TRIM10: variants seen among roughly 807,000 people sequenced by gnomAD.
The protein encoded by TRIM10 is tripartite motif-containing protein 10.
In TRIM10, 42 loss-of-function variants were observed where a neutral mutation model predicts 40.0. The observed-to-expected ratio is 1.05, with a 90% CI of 0.82 to 1.36. The LOEUF is 1.36. Among genes scored for constraint, TRIM10 ranks in the 40% most tolerant of loss-of-function variants. TRIM10 has a pLI of 0.00. For missense variants in TRIM10, 601 were observed against 608.3 expected (o/e 0.99, Z 0.13); for synonymous variants, 260 against 239.5 (o/e 1.09, Z -0.79).
upstream of TRIM10, among the ~76,000 whole-genome samples, chr6:30,162,848 T>G (rs963841144): frequency 6.6e-6 from 1 of 152,158 alleles, no homozygotes; most frequent in Non-Finnish European, 1.5e-5. Flanking sequence ...TGGTTGAAAC[T>G]GATTATCTGA....
upstream of TRIM10, among the ~76,000 whole-genome samples, chr6:30,161,348 G>C (rs1171417554): frequency 1.3e-5 from 2 of 152,190 alleles, no homozygotes. Context: ...CAGCAAGCAG[G>C]AGAGTGTGGG....
chr6:30,154,015 A>C lies in TRIM10; in HGVS notation c.1400T>G (p.Phe467Cys). The change falls in exon 7 of 7, where the codon TTC (phenylalanine) becomes TGC (cysteine). Residue 467 changes from phenylalanine (F) to cysteine (C), a missense_variant. Physicochemically the swap from Phe to Cys is radical, Grantham distance 205 (BLOSUM62 -2). Transcript: ENST00000449742. ...TASFTRKVIP[F>C]FGLWGRGSSF... ...GGACCCTCGGCCCCAGAGCCCAAAG[A>C]AGGGAATGACCTTCCTAGTGAAGGA... 1.9e-6 allele frequency: 3 copies of C among 1,608,950 alleles called. No homozygotes were observed. Among genetic ancestry groups the C allele is most frequent in the Non-Finnish European group, 2.5e-6 (3 of 1,176,680 alleles).
At chr6:30,155,797 C>A in intron 5 of TRIM10, 38 bp from the exon 6 acceptor site, 2 of 1,599,312 alleles carry the variant, frequency 1.3e-6, no homozygotes, top group Non-Finnish European at 1.7e-6. Flanking sequence ...TTTTATTAGT[C>A]TTACAAAACC....
In TRIM10 at chr6:30,159,191, C is replaced by T; in HGVS notation, c.484G>A (p.Glu162Lys). The change falls in exon 2 of 7, where the codon GAA becomes AAA. Residue 162 changes from glutamate to lysine, a missense_variant. By Grantham distance (56) the Glu-to-Lys change is moderately conservative (BLOSUM62 1). Transcript: ENST00000449742. ...CTTTTATTTTCTCTTGACTGGATTTCTTGAATCTCCTCTCTCTCTTTTCTT... is the reference window on the plus strand; with the variant it reads ...CTTTTATTTTCTCTTGACTGGATTTTTTGAATCTCCTCTCTCTCTTTTCTT... ...CLRKEREEIQ[E>K]IQSRENKRMQ... The T allele has an allele frequency of 6.2e-7, 1 of 1,612,278 alleles. No homozygotes were observed. Among genetic ancestry groups the T allele is most frequent in the Non-Finnish European group, 8.5e-7 (1 of 1,179,326 alleles).
At chr6:30,161,310 G>C (rs1338609431), upstream of TRIM10, among the ~76,000 whole-genome samples, 1 of 152,192 alleles carries the variant, frequency 6.6e-6, no homozygotes, top group Admixed American at 6.5e-5. Flanking sequence ...AGAGATTGGA[G>C]GTATCAGCCA....
upstream of TRIM10, chr6:30,163,957 C>G: frequency 6.2e-7 from 1 of 1,612,994 alleles, no homozygotes; most frequent in Non-Finnish European, 8.5e-7. Context: ...AGAAGATCTA[C>G]TTCTTCTGCG....
rs146408423 is a variant in TRIM10 at position 30,160,490 on chromosome 6, C to T, written c.369G>A (p.Glu123=). ...DEMQLCVVCR[E]AGEHATHTMR... is the part of the protein sequence containing the mutation. ...TGGTGTGGGTAGCGTGCTCCCCAGC[C>T]TCCCGGCACACCACGCACAACTGCA... Residue 123 remains glutamate (E), a synonymous_variant, in exon 1 of 7, where the codon GAG becomes GAA. Coordinates refer to ENST00000449742, the MANE Select transcript of TRIM10 (RefSeq NM_006778.4). 1.2e-5 allele frequency: 19 copies of T among 1,614,192 alleles called. No individual in the cohort carries two copies. In the African/African-American group the frequency reaches 1.6e-4, roughly 14 times the overall value.
chr6:30,157,358 A>G lies in TRIM10; in HGVS notation c.779+11T>C, dbSNP rs1772642596. Reference sequence around the variant, plus strand: ...TATGGAAAAAGAAAAGAGAGAAACTATATTGCTTACCTTATTAGAGTGCTT... The same window carrying G: ...TATGGAAAAAGAAAAGAGAGAAACTGTATTGCTTACCTTATTAGAGTGCTT... On this transcript the variant is annotated intron_variant, in intron 4 of 6. Coordinates refer to ENST00000449742, the MANE Select transcript of TRIM10 (RefSeq NM_006778.4). 1 of 1,597,612 alleles carries G rather than the reference A, an allele frequency of 6.3e-7. No individual in the cohort carries two copies. The highest frequency in any genetic ancestry group is 1.1e-5 in the South Asian group (1 of 88,170).
In TRIM10 at chr6:30,154,328, C is replaced by T. The variant is rs1772311480; in HGVS notation, c.1087G>A (p.Gly363Arg). The change falls in exon 7 of 7, where the codon GGG (glycine) becomes AGG (arginine). Residue 363 changes from glycine to arginine, a missense_variant. By Grantham distance (125) the Gly-to-Arg change is moderately radical. Transcript: ENST00000449742. ...ATACTCACCACCCACGTGTGTCTCC[C>T]CCCTGTGATGCCAGTGTGGGCCAGA... Reference protein sequence around the residue: ...CVLAHTGITGGRHTWVVSIDL... With the variant: ...CVLAHTGITGRRHTWVVSIDL... The T allele has an allele frequency of 1.2e-6, 2 of 1,613,102 alleles. No homozygotes were observed. Among genetic ancestry groups the T allele is most frequent in the Non-Finnish European group, 1.7e-6 (2 of 1,180,038 alleles).
In TRIM10 at chr6:30,153,003, C is replaced by CA. The variant is rs1772155644; in HGVS notation, c.*965dup. 1.3e-5 allele frequency: 2 copies of CA among 152,244 alleles called. No individual in the cohort carries two copies. The highest frequency in any genetic ancestry group is 1.3e-4 in the Admixed American group (2 of 15,278). 9.4% of individuals were successfully genotyped at this position (152,244 alleles called of 1,614,324 possible). On this transcript the variant is annotated 3_prime_UTR_variant, in exon 7 of 7. Coordinates refer to ENST00000449742, the MANE Select transcript of TRIM10 (RefSeq NM_006778.4). Reference sequence around the variant, plus strand: ...GATGGTAATCAACTGATCAGGAAGACAATTTCCCTAGGGTTGAGTGTGGTC... The same window carrying CA: ...GATGGTAATCAACTGATCAGGAAGACAAATTTCCCTAGGGTTGAGTGTGGTC...
rs924320331 is a variant in TRIM10, at chr6:30,160,459, A to T, written c.400T>A (p.Phe134Ile). 6.2e-7 allele frequency: 1 copy of T among 1,614,046 alleles called. No individual in the cohort carries two copies. Among genetic ancestry groups the T allele is most frequent in the Admixed American group, 1.7e-5 (1 of 60,022 alleles). Residue 134 changes from phenylalanine to isoleucine, a missense_variant, in exon 1 of 7, where the codon TTC becomes ATC. Transcript: ENST00000449742. ...TAGGGAGCCGCTGCATCCTCCAGGA[A>T]GCGCATGGTGTGGGTAGCGTGCTCC... ...AGEHATHTMR[F>I]LEDAAAPYRE...
chr6:30,160,553 G>T lies in TRIM10; in HGVS notation c.306C>A (p.His102Gln), dbSNP rs780131047. The change falls in exon 1 of 7, where the codon CAC becomes CAA. Residue 102 changes from histidine (H) to glutamine (Q), a missense_variant. His to Gln is a conservative substitution (Grantham distance 24). Transcript: ENST00000449742. ...CACAGAAGAAGTAGATCTTCTCTCC[G>T]TGCTCTTGGCAGACATCCTCCTCTC... ...GLGEEDVCQEHGEKIYFFCED... is the reference protein window; with the variant it reads ...GLGEEDVCQEQGEKIYFFCED... 2 of 1,614,172 alleles carry T rather than the reference G, an allele frequency of 1.2e-6. No individual in the cohort carries two copies. Among genetic ancestry groups the T allele is most frequent in the Admixed American group, 1.7e-5 (1 of 60,022 alleles).
At position 30,152,145 on chromosome 6, in the gene TRIM10, G is replaced by C. The variant is rs1772064805; in HGVS notation, c.*1824C>G. On this transcript the variant is annotated 3_prime_UTR_variant, in exon 7 of 7. Transcript: ENST00000449742. Reference sequence around the variant, plus strand: ...CCCATGCAGGCATCTATCTCTGAATGAGGCAGTGCAGCATAGCAGTTAAGA... The same window carrying C: ...CCCATGCAGGCATCTATCTCTGAATCAGGCAGTGCAGCATAGCAGTTAAGA... 6.6e-6 allele frequency: 1 copy of C among 152,208 alleles called. No individual in the cohort carries two copies. The highest frequency in any genetic ancestry group is 6.5e-5 in the Admixed American group (1 of 15,290). 9.4% of individuals were successfully genotyped at this position (152,208 alleles called of 1,614,324 possible).
At chr6:30,158,665 G>C (rs760743692) in intron 2 of TRIM10, 36 bp from the exon 3 acceptor site, 1 of 1,559,162 alleles carries the variant, frequency 6.4e-7, no homozygotes, top group Non-Finnish European at 8.8e-7. Flanking sequence ...GAGAAAGTTT[G>C]CTTCCTCCTT....
chr6:30,159,563 G>C (rs1268825263), intron 1 of TRIM10, among the ~76,000 whole-genome samples: 1 of 152,056 alleles, frequency 6.6e-6, no homozygotes, highest in African/African-American at 2.4e-5. Flanking sequence ...TGGTATCTGG[G>C]GTCTGTACTG....
Position 30,160,716 on chromosome 6 carries a change from C to T in TRIM10, c.143G>A (p.Gly48Asp), listed in dbSNP as rs1476362861. 6.2e-7 allele frequency: 1 copy of T among 1,614,188 alleles called. No homozygotes were observed. The highest frequency in any genetic ancestry group is 2.2e-5 in the East Asian group (1 of 44,882). Reference protein sequence around the residue: ...ACLTRYCEIPGPDLEESPTCP... With the variant: ...ACLTRYCEIPDPDLEESPTCP... ...AGTAGGGGACTCCTCCAGGTCTGGG[C>T]CTGGTATCTCACAGTAGCGGGTAAG... The change falls in exon 1 of 7, where the codon GGC (glycine) becomes GAC (aspartate). Residue 48 changes from glycine to aspartate, a missense_variant. By Grantham distance (94) the Gly-to-Asp change is moderately conservative. Transcript: ENST00000449742.
intron 1 of TRIM10, among the ~76,000 whole-genome samples, chr6:30,159,838 CTAAT>C (rs1202134745): frequency 8.5e-5 from 13 of 152,178 alleles, no homozygotes; most frequent in Admixed American, 3.3e-4. Context: ...TGCTAATTAA[CTAAT>C]TAAGACATCC....
chr6:30,154,601 A>G, intron 6 of TRIM10, 115 bp from the exon 7 acceptor site: 3 of 1,356,986 alleles, frequency 2.2e-6, no homozygotes, highest in East Asian at 2.4e-5. Flanking sequence ...AAAAACATGT[A>G]TAGTGCCTAC....
intron 4 of TRIM10, 121 bp from the exon 5 acceptor site, chr6:30,157,175 C>T: frequency 1.7e-6 from 2 of 1,178,948 alleles, no homozygotes; most frequent in Non-Finnish European, 2.4e-6. Context: ...CGTACTTCCT[C>T]TAGGATGAAT....
Sources: gnomAD v4.1 joint callset for allele counts (sites outside exome capture counted in the v4.1 genomes callset) on GRCh38, gnomAD v4.1.1 for gene constraint, MANE v1.5 for transcripts, NCBI Gene and HGNC (gene_info 2026-07-23, HGNC 2026-07-21) for gene names.